The following ZNF831 variants were observed in gnomAD, a reference collection of about 807,000 sequenced individuals.
ZNF831 encodes the protein chromosome 20 open reading frame 174.
A neutral mutation model predicts 95.8 loss-of-function variants in ZNF831; 59 were observed. The ratio of observed to expected loss-of-function variants is 0.62; its 90% CI spans 0.50 to 0.77. The LOEUF (loss-of-function observed/expected upper bound fraction) is 0.77, where lower values mean the gene tolerates loss of function less well. Among genes scored for constraint, ZNF831 ranks in the 30% least tolerant of loss-of-function variants. ZNF831 has a pLI of 0.00. For missense variants in ZNF831, 2,205 were observed against 2,164.0 expected (o/e 1.02, Z -0.38); for synonymous variants, 961 against 925.5 (o/e 1.04, Z -0.70).
At chr20:59,199,972 G>A (rs1984409830) in intron 3 of ZNF831, among the ~76,000 whole-genome samples, 1 of 152,060 alleles carries the variant, frequency 6.6e-6, no homozygotes, top group Non-Finnish European at 1.5e-5. Flanking sequence ...AAAATAGTTT[G>A]CTGGGTACAC....
At chr20:59,155,644 G>A (rs1201275105) in intron 2 of ZNF831, among the ~76,000 whole-genome samples, 1 of 152,222 alleles carries the variant, frequency 6.6e-6, no homozygotes, top group Admixed American at 6.5e-5. Context: ...GAGGAGTGCT[G>A]GGGCCAGGCC....
rs1983869842 is a variant in ZNF831, at chr20:59,194,115, T to C, written c.3096T>C (p.Thr1032=). The C allele has an allele frequency of 5.8e-6, 9 of 1,556,132 alleles. No homozygotes were observed. The highest frequency in any genetic ancestry group is 7.8e-6 in the Non-Finnish European group (9 of 1,150,460). Residue 1032 remains threonine, a synonymous_variant, in exon 2 of 6, where the codon ACT becomes ACC. Transcript: ENST00000371030. Reference sequence around the variant, plus strand: ...GGGACAAGGGGGACAGGATGGCCACTAGCAGGCCAGCAGCCAGGGAGTTGC... The same window carrying C: ...GGGACAAGGGGGACAGGATGGCCACCAGCAGGCCAGCAGCCAGGGAGTTGC... ...LGGDKGDRMA[T]SRPAARELPI...
chr20:59,195,653 C>A, intron 2 of ZNF831: 1 of 491,914 alleles, frequency 2.0e-6, no homozygotes, highest in Non-Finnish European at 2.6e-6. Context: ...CTTTCCTCTG[C>A]GGATCAAGCC....
chr20:59,224,680 A>G (rs1414285931), intron 4 of ZNF831, among the ~76,000 whole-genome samples: 1 of 152,236 alleles, frequency 6.6e-6, no homozygotes, highest in African/African-American at 2.4e-5. Context: ...GAGGTTTTAC[A>G]GTTGAACAGA....
chr20:59,243,449 TC>T (rs1213046582), intron 4 of ZNF831, among the ~76,000 whole-genome samples: 1 of 152,226 alleles, frequency 6.6e-6, no homozygotes, highest in Non-Finnish European at 1.5e-5. Context: ...CTTCTTTTTA[TC>T]CTTTGCACTT....
chr20:59,235,977 T>C (rs769392920), intron 4 of ZNF831, among the ~76,000 whole-genome samples: 2 of 152,178 alleles, frequency 1.3e-5, no homozygotes, highest in Non-Finnish European at 2.9e-5. Flanking sequence ...TAAGATAGAA[T>C]TTTTGAAGGT....
chr20:59,187,748 C>T (rs571664215), intron 1 of ZNF831, among the ~76,000 whole-genome samples: 2 of 152,326 alleles, frequency 1.3e-5, no homozygotes, highest in African/African-American at 4.8e-5. Context: ...TGTCTGGTTC[C>T]AGAACATTTT....
chr20:59,150,706 C>G (rs541579371), intron 2 of ZNF831, among the ~76,000 whole-genome samples: 27 of 152,298 alleles, frequency 1.8e-4, no homozygotes, highest in Non-Finnish European at 2.5e-4. Context: ...CGCCAGCACA[C>G]GCTGTCATTT....
At position 59,255,755 on chromosome 20, in the gene ZNF831, CT is replaced by C. The variant is rs1209575348; in HGVS notation, c.*1013del. 1 of 152,130 alleles carries C rather than the reference CT, an allele frequency of 6.6e-6. No individual in the cohort carries two copies. The highest frequency in any genetic ancestry group is 2.4e-5 in the African/African-American group (1 of 41,422). 9.4% of individuals were successfully genotyped at this position (152,130 alleles called of 1,614,324 possible). A position where few individuals can be genotyped will look rare whatever the true frequency, so the allele number is the denominator to read the frequency against. On this transcript the variant is annotated 3_prime_UTR_variant, in exon 6 of 6. Transcript: ENST00000371030. ...TACAAAACTAATTGGAGTTTTGACGCTGTTTTACATCTCGGTAATTTTATTT... is the reference window on the plus strand; with the variant it reads ...TACAAAACTAATTGGAGTTTTGACGCGTTTTACATCTCGGTAATTTTATTT...
chr20:59,181,505 G>A (rs1386403899), intron 1 of ZNF831, among the ~76,000 whole-genome samples: 1 of 152,000 alleles, frequency 6.6e-6, no homozygotes, highest in Non-Finnish European at 1.5e-5. Context: ...TATGGTTTTG[G>A]GTTTTACATT....
At chr20:59,176,037 T>G (rs1483802917) in intron 1 of ZNF831, among the ~76,000 whole-genome samples, 1 of 152,220 alleles carries the variant, frequency 6.6e-6, no homozygotes, top group Non-Finnish European at 1.5e-5. Flanking sequence ...GACATTTCCC[T>G]GTCTGGAAGA....
intron 2 of ZNF831, among the ~76,000 whole-genome samples, chr20:59,149,711 C>T (rs1423333114): frequency 6.6e-6 from 1 of 152,244 alleles, no homozygotes; most frequent in Non-Finnish European, 1.5e-5. Flanking sequence ...ACACATGTTT[C>T]ATGCCTGAGC....
intron 4 of ZNF831, among the ~76,000 whole-genome samples, chr20:59,207,629 A>G (rs892882320): frequency 6.6e-6 from 1 of 152,220 alleles, no homozygotes; most frequent in Non-Finnish European, 1.5e-5. Flanking sequence ...TTAAGCTGCA[A>G]TCACTGGGCA....
rs1164647688 is a variant in ZNF831 at position 59,257,143 on chromosome 20, T to C, written c.*2400T>C. 1 of 152,236 alleles carries C rather than the reference T, an allele frequency of 6.6e-6. No homozygotes were observed. The highest frequency in any genetic ancestry group is 1.9e-4 in the East Asian group (1 of 5,192). The allele number at this position is 152,236 out of a possible 1,614,324, so 9.4% of individuals were successfully genotyped here. On this transcript the variant is annotated 3_prime_UTR_variant, in exon 6 of 6. Coordinates refer to ENST00000371030, the MANE Select transcript of ZNF831 (RefSeq NM_178457.3). ...CTATAGGAGCCACCGTTGCCAGCTGTCACATCCCAACCTAGGTCAAATATG... is the reference window on the plus strand; with the variant it reads ...CTATAGGAGCCACCGTTGCCAGCTGCCACATCCCAACCTAGGTCAAATATG...
At chr20:59,159,035 A>T (rs1428936287), upstream of ZNF831, among the ~76,000 whole-genome samples, 1 of 152,162 alleles carries the variant, frequency 6.6e-6, no homozygotes, top group Non-Finnish European at 1.5e-5. Context: ...CAAGTGCCAT[A>T]ATTATGGAGT....
At position 59,127,976 on chromosome 20, in the gene ZNF831, G is replaced by A. The variant is rs879799105; in HGVS notation, c.-1425+4471G>A. ...ACACTCCTTCGCTGTAGCCAGCCTG[G>A]CACTGGCTGGATGCTGGGCTGCCTA... On this transcript the variant is annotated intron_variant, in intron 1 of 7. Coordinates refer to the ZNF831 transcript ENST00000637017. 3.3e-5 allele frequency among the ~76,000 whole-genome samples: 5 copies of A among 152,346 alleles called. No homozygotes were observed. In the East Asian group the frequency reaches 9.7e-4, roughly 29 times the overall value.
At position 59,191,509 on chromosome 20, in the gene ZNF831, C is replaced by T. The variant is rs748362267; in HGVS notation, c.490C>T (p.Arg164Trp). 5 of 1,613,130 alleles carry T rather than the reference C, an allele frequency of 3.1e-6. No individual in the cohort carries two copies. In the Admixed American group the frequency reaches 5.0e-5, roughly 16 times the overall value. Residue 164 changes from arginine (R) to tryptophan (W), a missense_variant, in exon 2 of 6, where the codon CGG becomes TGG. Physicochemically the swap from Arg to Trp is moderately radical, Grantham distance 101 (BLOSUM62 -3). Transcript: ENST00000371030. ...LKPSVLEKHIRSHTGERPFPC... is the reference protein window; with the variant it reads ...LKPSVLEKHIWSHTGERPFPC... Reference sequence around the variant, plus strand: ...GCCCAGTGTTCTAGAGAAGCACATCCGGTCCCACACGGGTGAGAGGCCCTT... The same window carrying T: ...GCCCAGTGTTCTAGAGAAGCACATCTGGTCCCACACGGGTGAGAGGCCCTT...
At chr20:59,203,726 T>A (rs1364231005) in intron 3 of ZNF831, among the ~76,000 whole-genome samples, 2 of 152,148 alleles carry the variant, frequency 1.3e-5, no homozygotes, top group African/African-American at 4.8e-5. Context: ...TTTTGCCAAC[T>A]GCAAATACCA....
At position 59,163,936 on chromosome 20, in the gene ZNF831, T is replaced by G. The variant is rs560858171; in HGVS notation, c.-308T>G. Among the ~76,000 whole-genome samples, 139 of 152,296 alleles carry G rather than the reference T, an allele frequency of 9.1e-4. No individual in the cohort carries two copies. Among genetic ancestry groups the G allele is most frequent in the Middle Eastern group, 3.4e-3 (1 of 294 alleles). Reference sequence around the variant, plus strand: ...CCACAGGAGGCTGCCCTCTTTTATTTTATTTTATTTTCTAAGGCTCAGGGA... The same window carrying G: ...CCACAGGAGGCTGCCCTCTTTTATTGTATTTTATTTTCTAAGGCTCAGGGA... On this transcript the variant is annotated 5_prime_UTR_variant, in exon 1 of 6. Coordinates refer to ENST00000371030, the MANE Select transcript of ZNF831 (RefSeq NM_178457.3).
Sources: allele counts gnomAD v4.1 joint callset (sites outside exome capture counted in the v4.1 genomes callset), GRCh38; gene constraint gnomAD v4.1.1; transcripts MANE v1.5; gene names NCBI Gene and HGNC (gene_info 2026-07-23, HGNC 2026-07-21).